The following TTC7B variants were observed in gnomAD, a reference collection of about 807,000 sequenced individuals.
TTC7B encodes tetratricopeptide repeat domain 7B, also known as tetratricopeptide repeat protein 7B.
Under a neutral mutation model 106.8 loss-of-function variants are expected in TTC7B, and 28 were observed. That is an observed-to-expected ratio of 0.26 (90% CI 0.19 to 0.36). The LOEUF is 0.36. Among genes scored for constraint, TTC7B ranks in the 10% least tolerant of loss-of-function variants. The pLI is 1.00. For synonymous variants in TTC7B, 405 were observed against 430.6 expected, an observed-to-expected ratio of 0.94 and a Z score of 0.74; for missense variants, 862 against 1,076.4, an observed-to-expected ratio of 0.80 and a Z score of 2.79.
At chr14:90,552,393 C>T (rs1002023366) in intron 19 of TTC7B, among the ~76,000 whole-genome samples, 1 of 152,214 alleles carries the variant, frequency 6.6e-6, no homozygotes, top group African/African-American at 2.4e-5. Context: ...CCAGTTTCCC[C>T]AAAGGCCAAC....
intron 19 of TTC7B, among the ~76,000 whole-genome samples, chr14:90,565,691 C>T (rs551507478): frequency 6.4e-4 from 98 of 152,024 alleles, no homozygotes; most frequent in African/African-American, 2.2e-3. Context: ...TGAGCCACCG[C>T]GCCTGGCCAA....
intron 5 of TTC7B, among the ~76,000 whole-genome samples, chr14:90,722,294 A>G (rs1290600014): frequency 5.3e-5 from 8 of 152,086 alleles, no homozygotes; most frequent in African/African-American, 1.9e-4. Context: ...CCTTCCTAGT[A>G]TGGTTCCTGC....
chr14:90,556,364 G>A (rs1192736732), intron 19 of TTC7B, among the ~76,000 whole-genome samples: 1 of 152,118 alleles, frequency 6.6e-6, no homozygotes, highest in Non-Finnish European at 1.5e-5. Flanking sequence ...TAGCTCAGAG[G>A]CTGGCTGGAA....
chr14:90,800,371 G>A (rs1004957779), intron 1 of TTC7B, among the ~76,000 whole-genome samples: 4 of 152,166 alleles, frequency 2.6e-5, no homozygotes, highest in African/African-American at 9.7e-5. Flanking sequence ...CCCCAGACAT[G>A]TCCACATCCT....
At chr14:90,643,423 T>C (rs1048929077) in intron 15 of TTC7B, among the ~76,000 whole-genome samples, 1 of 151,212 alleles carries the variant, frequency 6.6e-6, no homozygotes, top group Non-Finnish European at 1.5e-5. Context: ...AAAAAAGGAA[T>C]GTATAACTAT....
intron 1 of TTC7B, among the ~76,000 whole-genome samples, chr14:90,795,352 G>A (rs980618392): frequency 1.3e-4 from 20 of 152,208 alleles, no homozygotes; most frequent in Non-Finnish European, 2.6e-4. Flanking sequence ...ACACAGAAGC[G>A]GGGACCTTAC....
chr14:90,645,903 A>G (rs1885424748), intron 14 of TTC7B, among the ~76,000 whole-genome samples: 1 of 152,192 alleles, frequency 6.6e-6, no homozygotes, highest in African/African-American at 2.4e-5. Flanking sequence ...AGAAAGACAG[A>G]TACTGAACAA....
At position 90,575,834 on chromosome 14, in the gene TTC7B, T is replaced by C. The variant is rs73324899; in HGVS notation, c.2310+2272A>G. Among the ~76,000 whole-genome samples the C allele has an allele frequency of 1.1e-3, 165 of 152,320 alleles. No homozygotes were observed. The highest frequency in any genetic ancestry group is 3.8e-3 in the African/African-American group (159 of 41,578). On this transcript the variant is annotated intron_variant, in intron 19 of 19. Coordinates refer to ENST00000328459, the MANE Select transcript of TTC7B (RefSeq NM_001010854.2). The surrounding 1 kb of genome is among the most constrained non-coding windows in gnomAD (Gnocchi z 5.2). ...CTCCAATCTGGATGGTTTTTCAATATCTCAGGATCCACGGAGAGAGGTTTT... is the reference window on the plus strand; with the variant it reads ...CTCCAATCTGGATGGTTTTTCAATACCTCAGGATCCACGGAGAGAGGTTTT...
At chr14:90,658,826 A>C (rs1339063713) in intron 9 of TTC7B, among the ~76,000 whole-genome samples, 1 of 152,214 alleles carries the variant, frequency 6.6e-6, no homozygotes, top group Non-Finnish European at 1.5e-5. Context: ...CAAAGGCAGA[A>C]ACCACAACTT....
At chr14:90,585,362 C>T (rs975754550) in intron 18 of TTC7B, among the ~76,000 whole-genome samples, 1 of 152,210 alleles carries the variant, frequency 6.6e-6, no homozygotes, top group Non-Finnish European at 1.5e-5. Flanking sequence ...TGACTCCTGA[C>T]CCATCCCCTC....
chr14:90,765,853 C>T (rs1890657795), intron 3 of TTC7B, among the ~76,000 whole-genome samples: 1 of 152,184 alleles, frequency 6.6e-6, no homozygotes, highest in Admixed American at 6.5e-5. Context: ...GCCATTGTTG[C>T]TGCACCTCCC....
intron 18 of TTC7B, among the ~76,000 whole-genome samples, chr14:90,580,722 G>A (rs559365684): frequency 2.6e-4 from 39 of 152,272 alleles, no homozygotes; most frequent in East Asian, 7.7e-4. Flanking sequence ...GATGGATCCC[G>A]CCATCCCAGG....
Position 90,693,746 on chromosome 14 carries a change from A to G in TTC7B, c.777+1754T>C, listed in dbSNP as rs112107959. Among the ~76,000 whole-genome samples, 100 of 152,334 alleles carry G rather than the reference A, an allele frequency of 6.6e-4. 2 individuals are homozygous for G. The highest frequency in any genetic ancestry group is 2.2e-3 in the African/African-American group (91 of 41,582). ...AGGGTGTGGAGAAATTGGAACCCTC[A>G]TAACTGCTGGTGGGAATGTAATATG... On this transcript the variant is annotated intron_variant, in intron 6 of 19. Transcript: ENST00000328459.
At chr14:90,621,159 G>A (rs1173224044) in intron 15 of TTC7B, among the ~76,000 whole-genome samples, 1 of 152,046 alleles carries the variant, frequency 6.6e-6, no homozygotes, top group African/African-American at 2.4e-5. Context: ...ATAGGCAGAA[G>A]CCACATGGGT....
intron 19 of TTC7B, among the ~76,000 whole-genome samples, chr14:90,560,147 C>T (rs1890510016): frequency 1.3e-5 from 2 of 152,254 alleles, no homozygotes; most frequent in African/African-American, 4.8e-5. Flanking sequence ...GCCTTTCCCC[C>T]ATCACAGTTC....
Position 90,808,023 on chromosome 14 carries a change from A to C in TTC7B, c.121+8152T>G, listed in dbSNP as rs1319110326. 6.6e-6 allele frequency among the ~76,000 whole-genome samples: 1 copy of C among 152,264 alleles called. No homozygotes were observed. The highest frequency in any genetic ancestry group is 1.5e-5 in the Non-Finnish European group (1 of 68,040). Reference sequence around the variant, plus strand: ...ACTAGTTGGAAGTGGGCTAGAATCCAGTTCAATTAACGGCTCTAGCCTCAG... The same window carrying C: ...ACTAGTTGGAAGTGGGCTAGAATCCCGTTCAATTAACGGCTCTAGCCTCAG... On this transcript the variant is annotated intron_variant, in intron 1 of 19. Transcript: ENST00000328459. This position sits in a 1 kb window ranked among gnomAD's most constrained non-coding sequence, Gnocchi z 4.2.
intron 9 of TTC7B, among the ~76,000 whole-genome samples, chr14:90,665,395 C>A (rs1388147442): frequency 6.6e-6 from 1 of 152,236 alleles, no homozygotes; most frequent in Non-Finnish European, 1.5e-5. Context: ...TTATGCCTTT[C>A]CAGTCTCTTT....
Position 90,676,986 on chromosome 14 carries a change from C to T in TTC7B, c.1015-326G>A, listed in dbSNP as rs561047405. Among the ~76,000 whole-genome samples the T allele has an allele frequency of 1.7e-3, 262 of 152,252 alleles. 2 individuals carry two copies. Among genetic ancestry groups the T allele is most frequent in the Non-Finnish European group, 3.0e-3 (205 of 68,014 alleles). On this transcript the variant is annotated intron_variant, in intron 8 of 19. Coordinates refer to ENST00000328459, the MANE Select transcript of TTC7B (RefSeq NM_001010854.2). ...GGTTCATAGCCAGCCTCATAGAAGA[C>T]GCAGCTGCGCTCTAGAGCAGCCGAA...
At chr14:90,751,679 C>G (rs1428811646) in intron 3 of TTC7B, among the ~76,000 whole-genome samples, 2 of 152,078 alleles carry the variant, frequency 1.3e-5, no homozygotes, top group Non-Finnish European at 2.9e-5. Context: ...ATGCTCCTGC[C>G]TTGGCCTCCC....
Sources: allele counts gnomAD v4.1 joint callset (sites outside exome capture counted in the v4.1 genomes callset), GRCh38; gene constraint gnomAD v4.1.1; non-coding constraint Gnocchi (gnomAD v3.1); transcripts MANE v1.5; gene names NCBI Gene and HGNC (gene_info 2026-07-23, HGNC 2026-07-21).